The following KCNMB2 variants were observed in gnomAD, a reference collection of about 807,000 sequenced individuals.
The protein encoded by KCNMB2 is potassium calcium-activated channel subfamily M regulatory beta subunit 2.
In KCNMB2, 9 loss-of-function variants were observed where a neutral mutation model predicts 24.5. The observed-to-expected ratio is 0.37, with a 90% confidence interval of 0.22 to 0.64. The LOEUF (loss-of-function observed/expected upper bound fraction) is 0.64, where lower values mean the gene tolerates loss of function less well. Ranked by LOEUF, KCNMB2 falls within the 30% of genes least tolerant of loss-of-function variation. KCNMB2 has a pLI of 0.63. For synonymous variants in KCNMB2, 109 were observed against 104.4 expected, an observed-to-expected ratio of 1.04 and a Z score of -0.27; for missense variants, 226 against 284.3, an observed-to-expected ratio of 0.79 and a Z score of 1.47.
intron 1 of KCNMB2, among the ~76,000 whole-genome samples, chr3:178,559,561 T>C (rs1366689152): frequency 6.6e-6 from 1 of 151,568 alleles, no homozygotes; most frequent in Non-Finnish European, 1.5e-5. Flanking sequence ...TAGTCTTCAC[T>C]GGTATTAATT....
chr3:178,580,383 C>T (rs966281094), intron 1 of KCNMB2, among the ~76,000 whole-genome samples: 1 of 152,116 alleles, frequency 6.6e-6, no homozygotes, highest in East Asian at 1.9e-4. Context: ...ATAATAAGAG[C>T]TATTTATGAC....
At chr3:178,700,942 C>G (rs1295497642) in intron 1 of KCNMB2, among the ~76,000 whole-genome samples, 1 of 152,170 alleles carries the variant, frequency 6.6e-6, no homozygotes, top group African/African-American at 2.4e-5. Context: ...TTTTGCTGTG[C>G]AGAAGCTCTT....
chr3:178,617,547 T>A (rs1358242439), intron 1 of KCNMB2, among the ~76,000 whole-genome samples: 1 of 148,440 alleles, frequency 6.7e-6, no homozygotes, highest in African/African-American at 2.5e-5. Flanking sequence ...AAAATAAAAA[T>A]AAAAAAATAA....
At chr3:178,764,183 G>T (rs1712025756) in intron 1 of KCNMB2, among the ~76,000 whole-genome samples, 1 of 152,152 alleles carries the variant, frequency 6.6e-6, no homozygotes, top group Non-Finnish European at 1.5e-5. Context: ...CGCACATTTT[G>T]ATCTTTGTGC....
intron 1 of KCNMB2, among the ~76,000 whole-genome samples, chr3:178,572,538 A>C (rs982359879): frequency 4.6e-5 from 7 of 152,230 alleles, no homozygotes; most frequent in African/African-American, 1.7e-4. Context: ...AAATGTATTA[A>C]TCTTCTGCAA....
At chr3:178,587,736 A>T (rs1000711923) in intron 1 of KCNMB2, among the ~76,000 whole-genome samples, 4 of 128,546 alleles carry the variant, frequency 3.1e-5, no homozygotes, top group Non-Finnish European at 6.5e-5. Flanking sequence ...GTGAGCCAGT[A>T]ATCTTTTTTT....
At chr3:178,756,175 A>G (rs1724030062) in intron 1 of KCNMB2, among the ~76,000 whole-genome samples, 1 of 152,146 alleles carries the variant, frequency 6.6e-6, no homozygotes, top group Non-Finnish European at 1.5e-5. Context: ...TTAATAAAAT[A>G]TACATATTAA....
At chr3:178,779,284 C>G (rs1025138948) in intron 1 of KCNMB2, among the ~76,000 whole-genome samples, 8 of 152,296 alleles carry the variant, frequency 5.3e-5, no homozygotes, top group African/African-American at 1.7e-4. Flanking sequence ...ATATCCACCT[C>G]TTCCAGAAGA....
chr3:178,696,977 T>C (rs980429944), intron 1 of KCNMB2, among the ~76,000 whole-genome samples: 8 of 152,216 alleles, frequency 5.3e-5, no homozygotes, highest in Non-Finnish European at 7.3e-5. Flanking sequence ...AGATTGTTAG[T>C]TATCATTTCA....
In KCNMB2 at chr3:178,568,850, TAGATGATAGATA is replaced by T. The variant is rs773647819; in HGVS notation, c.-68+32140_-68+32151del. Among the ~76,000 whole-genome samples the T allele has an allele frequency of 5.9e-3, 634 of 108,122 alleles. 7 individuals carry two copies. The highest frequency in any genetic ancestry group is 0.016 in the African/African-American group (445 of 27,678). 70.9% of individuals were successfully genotyped at this position (108,122 alleles called of 152,430 possible). A position where few individuals can be genotyped will look rare whatever the true frequency, so the allele number is the denominator to read the frequency against. On this transcript the variant is annotated intron_variant, in intron 1 of 4. Coordinates refer to ENST00000452583, the MANE Select transcript of KCNMB2 (RefSeq NM_181361.3). The stretch of plus-strand genomic sequence containing the variant: ...GATAGATGATAGATAGATAGATAGA[TAGATGATAGATA>T]GATAGATAGATAGATAGATAGATAG...
At chr3:178,813,164 GTGTACAT>G (rs1714262723) in intron 2 of KCNMB2, among the ~76,000 whole-genome samples, 1 of 152,126 alleles carries the variant, frequency 6.6e-6, no homozygotes, top group African/African-American at 2.4e-5. Context: ...TTTAAAAAAA[GTGTACAT>G]CATTTATTAG....
intron 1 of KCNMB2, among the ~76,000 whole-genome samples, chr3:178,570,515 C>CTTTTTTTTTTTTT (rs200106452): frequency 7.0e-5 from 8 of 114,642 alleles, no homozygotes; most frequent in African/African-American, 2.4e-4. Flanking sequence ...GTAATGATAC[C>CTTTTTTTTTTTTT]TTTTTTTTTT....
intron 1 of KCNMB2, among the ~76,000 whole-genome samples, chr3:178,585,028 G>A (rs2108493097): frequency 6.6e-6 from 1 of 152,298 alleles, no homozygotes; most frequent in African/African-American, 2.4e-5. Flanking sequence ...TTCAGCAGCA[G>A]CGCTCTTCTT....
chr3:178,696,321 C>T (rs1395063999), intron 1 of KCNMB2, among the ~76,000 whole-genome samples: 1 of 152,138 alleles, frequency 6.6e-6, no homozygotes, highest in Non-Finnish European at 1.5e-5. Context: ...ACAGCCAAAC[C>T]ATATCAGGTG....
intron 1 of KCNMB2, among the ~76,000 whole-genome samples, chr3:178,588,474 A>C (rs998031765): frequency 6.6e-6 from 1 of 152,150 alleles, no homozygotes; most frequent in Non-Finnish European, 1.5e-5. Context: ...TGTCGTGTCT[A>C]TATATTCCTC....
At chr3:178,721,444 A>G (rs1722802483) in intron 1 of KCNMB2, among the ~76,000 whole-genome samples, 1 of 152,126 alleles carries the variant, frequency 6.6e-6, no homozygotes, top group South Asian at 2.1e-4. Flanking sequence ...CCCATTGTAG[A>G]GCTATAGGAC....
chr3:178,622,194 G>A (rs1391848514), intron 1 of KCNMB2, among the ~76,000 whole-genome samples: 18 of 152,104 alleles, frequency 1.2e-4, no homozygotes, highest in Admixed American at 1.1e-3. Flanking sequence ...ATTCTGTGAG[G>A]GCAGAATCTA....
intron 1 of KCNMB2, among the ~76,000 whole-genome samples, chr3:178,806,581 G>A (rs1184673989): frequency 1.3e-5 from 2 of 151,650 alleles, no homozygotes; most frequent in South Asian, 4.2e-4. Flanking sequence ...TTTATTTAAT[G>A]TTCCTAACTC....
At chr3:178,609,569 G>A (rs1268604467) in intron 1 of KCNMB2, among the ~76,000 whole-genome samples, 1 of 151,860 alleles carries the variant, frequency 6.6e-6, no homozygotes, top group African/African-American at 2.4e-5. Flanking sequence ...AAATGTCCTG[G>A]AAATTTTCTC....
Sources: gnomAD v4.1 joint callset for allele counts (sites outside exome capture counted in the v4.1 genomes callset) on GRCh38, gnomAD v4.1.1 for gene constraint, MANE v1.5 for transcripts, NCBI Gene and HGNC (gene_info 2026-07-23, HGNC 2026-07-21) for gene names.